The following SMARCC1 variants were observed in gnomAD, a reference collection of about 807,000 sequenced individuals.
SMARCC1 encodes the protein SWI/SNF complex subunit SMARCC1.
SMARCC1 carries 43 observed loss-of-function variants against 147.4 expected under a neutral mutation model. The observed-to-expected ratio is 0.29, with a 90% confidence interval of 0.23 to 0.38. The LOEUF (loss-of-function observed/expected upper bound fraction) is 0.38, where lower values mean the gene tolerates loss of function less well. Ranked by LOEUF, SMARCC1 falls within the 10% of genes least tolerant of loss-of-function variation. The pLI, the probability that SMARCC1 is intolerant of heterozygous loss-of-function variation, is 1.00. For synonymous variants in SMARCC1, 495 were observed against 484.4 expected, an observed-to-expected ratio of 1.02 and a Z score of -0.29; for missense variants, 1,119 against 1,381.1, an observed-to-expected ratio of 0.81 and a Z score of 3.01.
intron 12 of SMARCC1, among the ~76,000 whole-genome samples, chr3:47,691,946 C>T (rs1448515327): frequency 6.6e-6 from 1 of 152,116 alleles, no homozygotes; most frequent in Non-Finnish European, 1.5e-5. Flanking sequence ...GTTGCAGTAA[C>T]CAAGATCGTG....
chr3:47,699,864 T>C (rs1471243288), intron 11 of SMARCC1, among the ~76,000 whole-genome samples: 1 of 152,122 alleles, frequency 6.6e-6, no homozygotes, highest in Non-Finnish European at 1.5e-5. Context: ...TCCTATATTT[T>C]ACAAATTTCT....
intron 16 of SMARCC1, among the ~76,000 whole-genome samples, chr3:47,677,559 T>G (rs184386937): frequency 7.5e-5 from 10 of 132,652 alleles, no homozygotes; most frequent in South Asian, 2.1e-4. Flanking sequence ...TTATTTTGTG[T>G]TTTTTTTTTT....
intron 2 of SMARCC1, among the ~76,000 whole-genome samples, chr3:47,759,017 CA>C (rs144154276): frequency 1.4e-5 from 2 of 146,610 alleles, no homozygotes. Context: ...AACTCTGACC[CA>C]AAAAAAAAAG....
chr3:47,726,899 T>C (rs773762245), intron 6 of SMARCC1, among the ~76,000 whole-genome samples: 30 of 152,272 alleles, frequency 2.0e-4, no homozygotes, highest in Admixed American at 3.9e-4. Flanking sequence ...CCTTTTTTTT[T>C]CAAGGCTGAA....
chr3:47,647,105 G>A (rs2033128935), intron 21 of SMARCC1, among the ~76,000 whole-genome samples: 1 of 152,188 alleles, frequency 6.6e-6, no homozygotes, highest in Admixed American at 6.5e-5. Context: ...GCTGCATGAT[G>A]CACAATGAAA....
Position 47,610,079 on chromosome 3 carries a change from A to T in SMARCC1, c.3030T>A (p.His1010Gln), listed in dbSNP as rs2032540886. 1 of 1,612,240 alleles carries T rather than the reference A, an allele frequency of 6.2e-7. No homozygotes were observed. Among genetic ancestry groups the T allele is most frequent in the Non-Finnish European group, 8.5e-7 (1 of 1,179,984 alleles). ...CCTTCCTCTTACCTGGCTGGGGTGG[A>T]TGAGGTGGTGGCATCTGGTGGTGCA... Reference protein sequence around the residue: ...PLMHHQMPPPHPPQPGQIPGP... With the variant: ...PLMHHQMPPPQPPQPGQIPGP... Residue 1010 changes from histidine to glutamine, a missense_variant, in exon 26 of 28, where the codon CAT (histidine) becomes CAA (glutamine). Transcript: ENST00000254480.
At position 47,738,223 on chromosome 3, in the gene SMARCC1, T is replaced by C; in HGVS notation, c.402-113A>G. The stretch of plus-strand genomic sequence containing the variant: ...AGAAAGATTTGAAAATTAAAATAAC[T>C]CTACAAAATGTGTGAGACATTCTCT... On this transcript the variant is annotated intron_variant, in intron 3 of 27. Transcript: ENST00000254480. The C allele has an allele frequency of 4.7e-6, 3 of 642,824 alleles. No individual in the cohort carries two copies. In the South Asian group the frequency reaches 6.7e-5, roughly 14 times the overall value. The allele number at this position is 642,824 out of a possible 1,614,324, so 39.8% of individuals were successfully genotyped here. A position where few individuals can be genotyped will look rare whatever the true frequency, so the allele number is the denominator to read the frequency against.
At chr3:47,702,135 G>C (rs1053994746) in intron 10 of SMARCC1, among the ~76,000 whole-genome samples, 21 of 148,910 alleles carry the variant, frequency 1.4e-4, no homozygotes, top group Non-Finnish European at 3.0e-4. Context: ...CCTAAATATA[G>C]TACTAATTCT....
At chr3:47,611,326 C>T (rs1260882669) in intron 25 of SMARCC1, among the ~76,000 whole-genome samples, 4 of 152,124 alleles carry the variant, frequency 2.6e-5, no homozygotes, top group African/African-American at 9.7e-5. Flanking sequence ...AGTTAGAAGC[C>T]ACACACAGCT....
intron 27 of SMARCC1, among the ~76,000 whole-genome samples, chr3:47,588,682 CTA>C (rs2032119769): frequency 6.7e-6 from 1 of 150,304 alleles, no homozygotes; most frequent in South Asian, 2.1e-4. Context: ...TGGGACAGTT[CTA>C]TGTCTTGTTT....
At chr3:47,737,966 C>G in intron 4 of SMARCC1, 63 bp downstream of exon 4, 1 of 1,253,770 alleles carries the variant, frequency 8.0e-7, no homozygotes, top group Non-Finnish European at 1.1e-6. Flanking sequence ...CCTGGCCAGC[C>G]AATCTTAAAA....
At chr3:47,709,110 A>C (rs1454213687) in intron 9 of SMARCC1, among the ~76,000 whole-genome samples, 2 of 152,102 alleles carry the variant, frequency 1.3e-5, no homozygotes, top group African/African-American at 4.8e-5. Flanking sequence ...AAAATAAAAA[A>C]ATTAGCCAGG....
At chr3:47,668,286 T>G (rs2033449307) in intron 19 of SMARCC1, among the ~76,000 whole-genome samples, 1 of 152,194 alleles carries the variant, frequency 6.6e-6, no homozygotes. Context: ...CAAGTAGAAA[T>G]TCCCCACACC....
chr3:47,738,085 A>G lies in SMARCC1; in HGVS notation c.427T>C (p.Ser143Pro), dbSNP rs753276787. 3 of 1,594,434 alleles carry G rather than the reference A, an allele frequency of 1.9e-6. No homozygotes were observed. In the South Asian group the frequency reaches 3.4e-5, roughly 18 times the overall value. ...GWRRFDLQNPSRMDRNVEMFM... is the reference protein window; with the variant it reads ...GWRRFDLQNPPRMDRNVEMFM... ...ATTTCCACATTACGATCCATTCGAG[A>G]TGGGTTCTGTAGGTCAAACCTCCGC... Residue 143 changes from serine (S) to proline (P), a missense_variant, in exon 4 of 28, where the codon TCT becomes CCT. Physicochemically the swap from Ser to Pro is moderately conservative, Grantham distance 74. Around this residue, in one of 6 missense-constraint regions of SMARCC1, gnomAD observed 542 missense variants for 611.8 expected, o/e 0.89. Transcript: ENST00000254480.
At chr3:47,626,800 G>A (rs574386398) in intron 24 of SMARCC1, among the ~76,000 whole-genome samples, 2 of 152,200 alleles carry the variant, frequency 1.3e-5, no homozygotes, top group East Asian at 1.9e-4. Flanking sequence ...CTGTTTCTTG[G>A]AATGTTCTCT....
chr3:47,610,147 G>C lies in SMARCC1; in HGVS notation c.2962C>G (p.Pro988Ala). ...GLAPLGAAGH[P>A]GMMPHQQPPP... The stretch of plus-strand genomic sequence containing the variant: ...GGCTGTTGATGAGGCATCATGCCAG[G>C]GTGCCCTGCTGCTCCAAGTGGGGCC... The change falls in exon 26 of 28, where the codon CCT (proline) becomes GCT (alanine). Residue 988 changes from proline to alanine, a missense_variant. Transcript: ENST00000254480. 3 of 1,614,002 alleles carry C rather than the reference G, an allele frequency of 1.9e-6. No individual in the cohort carries two copies. The highest frequency in any genetic ancestry group is 2.5e-6 in the Non-Finnish European group (3 of 1,180,028).
chr3:47,727,083 C>T (rs1352569983), intron 6 of SMARCC1, among the ~76,000 whole-genome samples: 1 of 151,870 alleles, frequency 6.6e-6, no homozygotes, highest in African/African-American at 2.4e-5. Context: ...TGTGGTGGTG[C>T]ACTCCTGTAG....
At chr3:47,590,980 C>CT (rs2032172029) in intron 26 of SMARCC1, 143 bp from the exon 27 acceptor site, 1 of 739,238 alleles carries the variant, frequency 1.4e-6, no homozygotes, top group South Asian at 2.0e-5. Context: ...GTAATAATCT[C>CT]TATGTTTAGC....
At chr3:47,597,150 C>T in intron 26 of SMARCC1, among the ~76,000 whole-genome samples, 1 of 70,514 alleles carries the variant, frequency 1.4e-5, no homozygotes, top group Admixed American at 1.7e-4. Flanking sequence ...GACTCAGTCT[C>T]AAAAAAAAAA....
Sources: gnomAD v4.1 joint callset for allele counts (sites outside exome capture counted in the v4.1 genomes callset) on GRCh38, gnomAD v4.1.1 for gene constraint, gnomAD v4.1.1 regional missense constraint, MANE v1.5 for transcripts, NCBI Gene and HGNC (gene_info 2026-07-23, HGNC 2026-07-21) for gene names.